Variants in PLEKHH2 observed in about 807,000 individuals in gnomAD.
PLEKHH2 encodes the protein pleckstrin homology, MyTH4 and FERM domain containing H2, also known as pleckstrin homology domain-containing family H member 2.
A neutral mutation model predicts 187.9 loss-of-function variants in PLEKHH2; 129 were observed. The ratio of observed to expected loss-of-function variants is 0.69; its 90% CI spans 0.59 to 0.79. The LOEUF is 0.79. Among genes scored for constraint, PLEKHH2 ranks in the 30% least tolerant of loss-of-function variants. The pLI, the probability that PLEKHH2 is intolerant of heterozygous loss-of-function variation, is 0.00. For synonymous variants in PLEKHH2, 686 were observed against 605.6 expected, an observed-to-expected ratio of 1.13 and a Z score of -1.95; for missense variants, 2,076 against 1,751.2, an observed-to-expected ratio of 1.19 and a Z score of -3.31.
At chr2:43,702,245 A>G (rs1307884475) in intron 8 of PLEKHH2, among the ~76,000 whole-genome samples, 1 of 152,170 alleles carries the variant, frequency 6.6e-6, no homozygotes, top group Non-Finnish European at 1.5e-5. Flanking sequence ...TAGGGTGGAC[A>G]TGTTTTTCTA....
intron 2 of PLEKHH2, among the ~76,000 whole-genome samples, chr2:43,656,896 G>A (rs1030774507): frequency 1.3e-5 from 2 of 152,142 alleles, no homozygotes; most frequent in Non-Finnish European, 2.9e-5. Context: ...GCAAGTATCT[G>A]TAATCCCAGC....
Position 43,731,483 on chromosome 2 carries a change from C to T in PLEKHH2, c.2831-7C>T, listed in dbSNP as rs1229542655. 6.6e-7 allele frequency: 1 copy of T among 1,526,458 alleles called. No homozygotes were observed. The highest frequency in any genetic ancestry group is 1.4e-5 in the African/African-American group (1 of 72,952). The allele number at this position is 1,526,458 out of a possible 1,614,324, so 94.6% of individuals were successfully genotyped here. A position where few individuals can be genotyped will look rare whatever the true frequency, so the allele number is the denominator to read the frequency against. On this transcript the variant is annotated splice_polypyrimidine_tract_variant and splice_region_variant and intron_variant, in intron 18 of 29. Transcript: ENST00000282406. ...AGTTTTCTGTTCATATTTTATTCTG[C>T]ATTTAGCCTCTCAGATATGGAGACA...
At chr2:43,758,484 C>T (rs990476114) in intron 26 of PLEKHH2, among the ~76,000 whole-genome samples, 2 of 152,052 alleles carry the variant, frequency 1.3e-5, no homozygotes, top group Admixed American at 1.3e-4. Context: ...AACACCTGAC[C>T]CCAGGTGATC....
chr2:43,639,540 G>A (rs1239273719), intron 1 of PLEKHH2, among the ~76,000 whole-genome samples: 1 of 151,986 alleles, frequency 6.6e-6, no homozygotes, highest in Non-Finnish European at 1.5e-5. Context: ...TTTGTGTCTG[G>A]CATCTTTCAC....
intron 1 of PLEKHH2, among the ~76,000 whole-genome samples, chr2:43,640,224 TTG>T (rs1402890267): frequency 6.6e-6 from 1 of 151,952 alleles, no homozygotes; most frequent in Non-Finnish European, 1.5e-5. Context: ...TTTTTTTTTT[TTG>T]AGACGGTGTC....
In PLEKHH2 at chr2:43,675,966, C is replaced by G. The variant is rs745618682; in HGVS notation, c.124-2897C>G. ...AGACGTATTTGTAAGCGGTCCTCAT[C>G]TGTACCCACCTGTCATTACTTTCTA... is the stretch of plus-strand genomic sequence containing the variant. On this transcript the variant is annotated intron_variant, in intron 2 of 29. Coordinates refer to ENST00000282406, the MANE Select transcript of PLEKHH2 (RefSeq NM_172069.4). 3 of 1,614,016 alleles carry G rather than the reference C, an allele frequency of 1.9e-6. No individual in the cohort carries two copies. Among genetic ancestry groups the G allele is most frequent in the Non-Finnish European group, 2.5e-6 (3 of 1,179,894 alleles).
intron 26 of PLEKHH2, 50 bp downstream of exon 26, chr2:43,757,314 T>C: frequency 2.2e-6 from 3 of 1,346,288 alleles, no homozygotes; most frequent in Non-Finnish European, 1.9e-6. Context: ...ACTAGTTTTT[T>C]GGTAATATTT....
intron 23 of PLEKHH2, among the ~76,000 whole-genome samples, chr2:43,745,478 T>C (rs542403042): frequency 6.6e-4 from 101 of 152,344 alleles, no homozygotes; most frequent in Middle Eastern, 6.8e-3. Flanking sequence ...ATAAATTATA[T>C]GTCAAATTTC....
intron 14 of PLEKHH2, chr2:43,711,991 A>G (rs1669990407): frequency 8.0e-7 from 1 of 1,251,068 alleles, no homozygotes; most frequent in Admixed American, 3.9e-5. Flanking sequence ...TAACCCCAAA[A>G]TTAGGTAAAC....
rs1391922538 is a variant in PLEKHH2 at position 43,766,452 on chromosome 2, C to T, written c.*854C>T. 1 of 152,646 alleles carries T rather than the reference C, an allele frequency of 6.6e-6. No homozygotes were observed. The highest frequency in any genetic ancestry group is 2.4e-5 in the African/African-American group (1 of 41,418). 9.5% of individuals were successfully genotyped at this position (152,646 alleles called of 1,614,324 possible). On this transcript the variant is annotated 3_prime_UTR_variant, in exon 30 of 30. Transcript: ENST00000282406. ...CTAATTATAGTTTGAAAATAGATTC[C>T]CTACACATACATACATATGTATGCA... is the stretch of plus-strand genomic sequence containing the variant.
intron 24 of PLEKHH2, among the ~76,000 whole-genome samples, chr2:43,751,928 T>C (rs75439375): frequency 2.2e-3 from 326 of 145,170 alleles, no homozygotes; most frequent in African/African-American, 7.5e-3. Context: ...CTCTCTCTCT[T>C]TTTTTTTTTT....
At chr2:43,642,722 G>A (rs1346964143) in intron 1 of PLEKHH2, among the ~76,000 whole-genome samples, 1 of 151,934 alleles carries the variant, frequency 6.6e-6, no homozygotes, top group Non-Finnish European at 1.5e-5. Context: ...ATGATCATAC[G>A]GTTTTTGTTC....
In PLEKHH2 at chr2:43,702,527, C is replaced by CTTTTTTTTTTT. The variant is rs1167078689; in HGVS notation, c.1651-1442_1651-1432dup. ...TTTTATTTGGCAACCCATTCTACTA[C>CTTTTTTTTTTT]TTTTTTTTTTTTTTTTTTTTTTCCA... is the stretch of plus-strand genomic sequence containing the variant. On this transcript the variant is annotated intron_variant, in intron 8 of 29. Transcript: ENST00000282406. Among the ~76,000 whole-genome samples the CTTTTTTTTTTT allele has an allele frequency of 1.3e-3, 74 of 57,382 alleles. 6 individuals are homozygous for CTTTTTTTTTTT. The highest frequency in any genetic ancestry group is 1.5e-3 in the African/African-American group (16 of 10,492). The allele number at this position is 57,382 out of a possible 152,430, so 37.6% of individuals were successfully genotyped here. A position where few individuals can be genotyped will look rare whatever the true frequency, so the allele number is the denominator to read the frequency against.
chr2:43,722,986 G>A (rs1411405236), intron 16 of PLEKHH2, among the ~76,000 whole-genome samples: 1 of 152,068 alleles, frequency 6.6e-6, no homozygotes, highest in Non-Finnish European at 1.5e-5. Flanking sequence ...CTGTATCAAT[G>A]TCTTTTTTTA....
Position 43,767,862 on chromosome 2 carries a change from C to T in PLEKHH2, c.*2264C>T, listed in dbSNP as rs3213850. ...TTTATTTTCTGGGAAATTATATAGCCATTCAAAAATTCAAAGTATGTTATT... is the reference window on the plus strand; with the variant it reads ...TTTATTTTCTGGGAAATTATATAGCTATTCAAAAATTCAAAGTATGTTATT... On this transcript the variant is annotated 3_prime_UTR_variant, in exon 30 of 30. Transcript: ENST00000282406. The T allele has an allele frequency of 0.02, 3,092 of 152,762 alleles. 74 individuals carry two copies. The highest frequency in any genetic ancestry group is 0.058 in the African/African-American group (2,411 of 41,506). 9.5% of individuals were successfully genotyped at this position (152,762 alleles called of 1,614,324 possible). A position where few individuals can be genotyped will look rare whatever the true frequency, so the allele number is the denominator to read the frequency against.
intron 23 of PLEKHH2, 190 bp downstream of exon 23, chr2:43,744,179 T>G: frequency 6.5e-6 from 8 of 1,225,950 alleles, no homozygotes; most frequent in Admixed American, 3.0e-5. Context: ...ACACAATCTC[T>G]ACATATACAC....
At chr2:43,758,754 G>C (rs1672313347) in intron 26 of PLEKHH2, 146 bp from the exon 27 acceptor site, 2 of 570,252 alleles carry the variant, frequency 3.5e-6, no homozygotes, top group Non-Finnish European at 5.8e-6. Flanking sequence ...GGTGTGATGA[G>C]AGTCACAAAA....
At chr2:43,689,228 T>C (rs1335466489) in intron 3 of PLEKHH2, among the ~76,000 whole-genome samples, 1 of 151,964 alleles carries the variant, frequency 6.6e-6, no homozygotes, top group Non-Finnish European at 1.5e-5. Flanking sequence ...TGAACAGGAG[T>C]TTAGGGACCT....
intron 15 of PLEKHH2, among the ~76,000 whole-genome samples, chr2:43,713,795 A>C (rs1453090821): frequency 3.3e-5 from 5 of 151,972 alleles, no homozygotes; most frequent in Non-Finnish European, 7.4e-5. Context: ...ATGTACTCTG[A>C]TTATGTAAGA....
Sources: gnomAD v4.1 joint callset for allele counts (sites outside exome capture counted in the v4.1 genomes callset) on GRCh38, gnomAD v4.1.1 for gene constraint, MANE v1.5 for transcripts, NCBI Gene and HGNC (gene_info 2026-07-23, HGNC 2026-07-21) for gene names.